The following DKK2 variants were observed in gnomAD, a reference collection of about 807,000 sequenced individuals.
DKK2 encodes dickkopf-related protein 2.
In DKK2, 11 loss-of-function variants were observed where a neutral mutation model predicts 28.1. That is an observed-to-expected ratio of 0.39 (90% CI 0.25 to 0.65). DKK2 has a LOEUF of 0.65. Among genes scored for constraint, DKK2 ranks in the 30% least tolerant of loss-of-function variants. The pLI is 0.47. For synonymous variants in DKK2, 135 were observed against 126.5 expected, an observed-to-expected ratio of 1.07 and a Z score of -0.45; for missense variants, 326 against 335.5, an observed-to-expected ratio of 0.97 and a Z score of 0.22.
chr4:107,009,586 G>A (rs1476609107), intron 1 of DKK2, among the ~76,000 whole-genome samples: 1 of 151,870 alleles, frequency 6.6e-6, no homozygotes, highest in Non-Finnish European at 1.5e-5. Flanking sequence ...AGCTGGGTAG[G>A]AGTTTGCAGC....
chr4:106,953,285 T>G (rs771831015), intron 1 of DKK2, among the ~76,000 whole-genome samples: 14 of 152,154 alleles, frequency 9.2e-5, no homozygotes, highest in Non-Finnish European at 1.5e-5. Flanking sequence ...CACTATGTGT[T>G]CACTACTCCA....
intron 1 of DKK2, among the ~76,000 whole-genome samples, chr4:107,019,156 C>A (rs1490199076): frequency 6.6e-6 from 1 of 151,890 alleles, no homozygotes; most frequent in African/African-American, 2.4e-5. Context: ...ATGTTAACCT[C>A]CTAAAACAAA....
intron 1 of DKK2, among the ~76,000 whole-genome samples, chr4:106,943,195 G>T (rs143003383): frequency 6.6e-6 from 1 of 152,192 alleles, no homozygotes; most frequent in East Asian, 1.9e-4. Flanking sequence ...CATTTAACCT[G>T]CATGTTGCTG....
intron 1 of DKK2, among the ~76,000 whole-genome samples, chr4:106,975,059 T>C (rs555005242): frequency 7.8e-4 from 119 of 152,330 alleles, no homozygotes; most frequent in Non-Finnish European, 1.5e-3. Context: ...GATTTGAGTA[T>C]GTTGAACCAG....
At chr4:107,014,812 G>T (rs572863497) in intron 1 of DKK2, among the ~76,000 whole-genome samples, 1 of 150,388 alleles carries the variant, frequency 6.6e-6, no homozygotes, top group South Asian at 2.1e-4. Context: ...TTAAAAATAG[G>T]TTCTACACAC....
At chr4:107,014,342 T>C (rs537867422) in intron 1 of DKK2, among the ~76,000 whole-genome samples, 12 of 151,504 alleles carry the variant, frequency 7.9e-5, no homozygotes, top group Non-Finnish European at 1.5e-4. Context: ...TGCAGCAACA[T>C]AGATAAACCT....
In DKK2 at chr4:107,008,027, A is replaced by G. The variant is rs1391102145; in HGVS notation, c.222+27343T>C. Among the ~76,000 whole-genome samples the G allele has an allele frequency of 2.0e-5, 3 of 152,184 alleles. No individual in the cohort carries two copies. In the South Asian group the frequency reaches 6.2e-4, roughly 32 times the overall value. On this transcript the variant is annotated intron_variant, in intron 1 of 3. Transcript: ENST00000285311. ...TTCCTGGCAAAAACTTGTTTGATTCAATGCCATTGCTCTTTACTAGTTATG... is the reference window on the plus strand; with the variant it reads ...TTCCTGGCAAAAACTTGTTTGATTCGATGCCATTGCTCTTTACTAGTTATG...
chr4:106,964,555 G>C (rs949470333), intron 1 of DKK2, among the ~76,000 whole-genome samples: 2 of 152,104 alleles, frequency 1.3e-5, no homozygotes, highest in African/African-American at 4.8e-5. Context: ...TGAGGCGATG[G>C]ATATCCCAGT....
chr4:106,937,550 C>A (rs1446781784), intron 1 of DKK2, among the ~76,000 whole-genome samples: 2 of 150,756 alleles, frequency 1.3e-5, no homozygotes, highest in Non-Finnish European at 3.0e-5. Context: ...CAACATTAGA[C>A]AGATCAACGA....
intron 1 of DKK2, among the ~76,000 whole-genome samples, chr4:106,938,217 G>T (rs556938617): frequency 6.7e-6 from 1 of 149,352 alleles, no homozygotes; most frequent in Non-Finnish European, 1.5e-5. Context: ...TTGATAGACC[G>T]CTAGCAAGAC....
chr4:106,958,809 C>G (rs1372437203), intron 1 of DKK2, among the ~76,000 whole-genome samples: 1 of 148,470 alleles, frequency 6.7e-6, no homozygotes, highest in East Asian at 2.0e-4. Context: ...TGCACTCTAG[C>G]CTGGGCAACA....
intron 1 of DKK2, among the ~76,000 whole-genome samples, chr4:106,983,573 G>T (rs894270679): frequency 2.6e-5 from 4 of 152,062 alleles, no homozygotes; most frequent in African/African-American, 9.7e-5. Flanking sequence ...CGAAAGCACG[G>T]TTACCCTCCA....
chr4:107,014,674 A>C (rs1723566221), intron 1 of DKK2, among the ~76,000 whole-genome samples: 1 of 151,660 alleles, frequency 6.6e-6, no homozygotes, highest in Non-Finnish European at 1.5e-5. Context: ...AAATGATAAA[A>C]GTTTGAGGTG....
chr4:107,020,124 C>CT (rs1242978116), intron 1 of DKK2, among the ~76,000 whole-genome samples: 7 of 151,940 alleles, frequency 4.6e-5, no homozygotes, highest in Non-Finnish European at 8.8e-5. Flanking sequence ...AATATAATTT[C>CT]TTTTTTTGTG....
chr4:106,939,349 C>G (rs1188361603), intron 1 of DKK2, among the ~76,000 whole-genome samples: 1 of 152,108 alleles, frequency 6.6e-6, no homozygotes, highest in Non-Finnish European at 1.5e-5. Context: ...GAGTGAACTC[C>G]CATTCACAAT....
chr4:106,952,392 T>G (rs1722471529), intron 1 of DKK2, among the ~76,000 whole-genome samples: 1 of 152,186 alleles, frequency 6.6e-6, no homozygotes, highest in African/African-American at 2.4e-5. Context: ...TCAGCTATAC[T>G]GATATCACCT....
At chr4:106,980,234 A>T (rs1426158022) in intron 1 of DKK2, among the ~76,000 whole-genome samples, 1 of 151,970 alleles carries the variant, frequency 6.6e-6, no homozygotes, top group Non-Finnish European at 1.5e-5. Context: ...CTTAGACTAT[A>T]TGGTTATATA....
At chr4:106,989,050 G>A (rs1435525198) in intron 1 of DKK2, among the ~76,000 whole-genome samples, 1 of 152,118 alleles carries the variant, frequency 6.6e-6, no homozygotes, top group Non-Finnish European at 1.5e-5. Flanking sequence ...TCCTGTAAGT[G>A]ACCTGACAAG....
chr4:106,935,204 C>T (rs918844830), intron 1 of DKK2, among the ~76,000 whole-genome samples: 10 of 152,256 alleles, frequency 6.6e-5, no homozygotes, highest in South Asian at 2.1e-4. Context: ...TCTGAGGTAC[C>T]GGGTTCATCT....
Sources: allele counts gnomAD v4.1 joint callset (sites outside exome capture counted in the v4.1 genomes callset), GRCh38; gene constraint gnomAD v4.1.1; transcripts MANE v1.5; gene names NCBI Gene and HGNC (gene_info 2026-07-23, HGNC 2026-07-21).